KCND2: variants seen among roughly 807,000 people sequenced by gnomAD.
KCND2 encodes A-type voltage-gated potassium channel KCND2.
KCND2 carries 16 observed loss-of-function variants against 54.4 expected under a neutral mutation model. The observed-to-expected ratio is 0.29, with a 90% CI of 0.20 to 0.45. The LOEUF is 0.45. KCND2 is among the 20% of genes least tolerant of loss of function. The pLI is 1.00. For synonymous variants in KCND2, 317 were observed against 310.7 expected, an observed-to-expected ratio of 1.02 and a Z score of -0.21; for missense variants, 486 against 824.2, an observed-to-expected ratio of 0.59 and a Z score of 5.02.
At chr7:120,642,980 G>A (rs1424224609) in intron 1 of KCND2, among the ~76,000 whole-genome samples, 1 of 152,112 alleles carries the variant, frequency 6.6e-6, no homozygotes, top group African/African-American at 2.4e-5. Context: ...CCATTGTATG[G>A]CATACTCCAG....
chr7:120,339,582 G>A (rs984050750), intron 1 of KCND2, among the ~76,000 whole-genome samples: 5 of 151,666 alleles, frequency 3.3e-5, no homozygotes, highest in Non-Finnish European at 7.4e-5. Flanking sequence ...GTTTGAGCAA[G>A]CTTATGCTTC....
chr7:120,562,034 G>A (rs1391992730), intron 1 of KCND2, among the ~76,000 whole-genome samples: 1 of 152,206 alleles, frequency 6.6e-6, no homozygotes, highest in African/African-American at 2.4e-5. Flanking sequence ...AAGATGGTCA[G>A]TTTCTTTATT....
chr7:120,450,902 G>A (rs1202314531), intron 1 of KCND2, among the ~76,000 whole-genome samples: 2 of 152,272 alleles, frequency 1.3e-5, no homozygotes, highest in African/African-American at 4.8e-5. Flanking sequence ...ACTTATTGAT[G>A]ATATTAAGGA....
chr7:120,295,300 C>T (rs981485570), intron 1 of KCND2, among the ~76,000 whole-genome samples: 2 of 145,206 alleles, frequency 1.4e-5, no homozygotes, highest in Non-Finnish European at 3.0e-5. Context: ...AATGATACAA[C>T]GATTAATGAG....
chr7:120,296,403 T>C (rs1409315299), intron 1 of KCND2, among the ~76,000 whole-genome samples: 1 of 152,092 alleles, frequency 6.6e-6, no homozygotes, highest in Non-Finnish European at 1.5e-5. Flanking sequence ...GAAATACCTA[T>C]TTCAATTTAA....
intron 1 of KCND2, among the ~76,000 whole-genome samples, chr7:120,282,599 GA>G (rs1380240601): frequency 6.6e-6 from 1 of 152,038 alleles, no homozygotes; most frequent in Admixed American, 6.6e-5. Context: ...TTAATAATGG[GA>G]AAAAATAACA....
intron 1 of KCND2, among the ~76,000 whole-genome samples, chr7:120,309,383 C>G (rs1330505474): frequency 1.4e-5 from 2 of 147,770 alleles, no homozygotes; most frequent in East Asian, 4.0e-4. Flanking sequence ...GGATGTATCT[C>G]TAGAATAAAA....
At chr7:120,434,672 C>G (rs889196184) in intron 1 of KCND2, among the ~76,000 whole-genome samples, 2 of 152,218 alleles carry the variant, frequency 1.3e-5, no homozygotes, top group Non-Finnish European at 2.9e-5. Flanking sequence ...AACTTCTATT[C>G]TGGTTGGAGT....
chr7:120,597,446 A>G (rs184305063), intron 1 of KCND2, among the ~76,000 whole-genome samples: 2 of 152,292 alleles, frequency 1.3e-5, no homozygotes, highest in East Asian at 3.9e-4. Context: ...CTAATCAGTT[A>G]AGACTCAGGA....
At chr7:120,372,202 A>C (rs1326250978) in intron 1 of KCND2, among the ~76,000 whole-genome samples, 4 of 151,920 alleles carry the variant, frequency 2.6e-5, no homozygotes, top group Non-Finnish European at 4.4e-5. Context: ...TACTCTTATA[A>C]GTGTAATTTA....
chr7:120,708,337 G>A (rs1187964298), intron 1 of KCND2, among the ~76,000 whole-genome samples: 2 of 152,100 alleles, frequency 1.3e-5, no homozygotes, highest in African/African-American at 2.4e-5. Flanking sequence ...CATGAGAAGA[G>A]CTGAACGAGT....
intron 1 of KCND2, among the ~76,000 whole-genome samples, chr7:120,531,470 T>C (rs1438700726): frequency 2.0e-5 from 3 of 152,108 alleles, no homozygotes; most frequent in Admixed American, 1.3e-4. Context: ...TCTCCTGTTC[T>C]TATCAGCATA....
intron 1 of KCND2, among the ~76,000 whole-genome samples, chr7:120,653,333 A>C (rs1391886882): frequency 1.3e-5 from 2 of 151,808 alleles, no homozygotes; most frequent in Non-Finnish European, 2.9e-5. Context: ...GATGCAGGCC[A>C]CCACATCGGG....
intron 1 of KCND2, among the ~76,000 whole-genome samples, chr7:120,310,848 A>G (rs1021602674): frequency 1.3e-5 from 2 of 151,726 alleles, no homozygotes; most frequent in African/African-American, 4.8e-5. Context: ...AGGCACAGGA[A>G]TCACTTGTAC....
intron 1 of KCND2, among the ~76,000 whole-genome samples, chr7:120,413,495 A>C (rs530826772): frequency 6.6e-6 from 1 of 152,030 alleles, no homozygotes; most frequent in Non-Finnish European, 1.5e-5. Flanking sequence ...TGTTCAAAAT[A>C]TATGTACATA....
chr7:120,722,183 G>A (rs1792675291), intron 1 of KCND2, among the ~76,000 whole-genome samples: 1 of 152,118 alleles, frequency 6.6e-6, no homozygotes, highest in South Asian at 2.1e-4. Flanking sequence ...CTGTATGAGT[G>A]GTAAGAAATG....
At chr7:120,729,462 G>A (rs866283265) in intron 1 of KCND2, among the ~76,000 whole-genome samples, 45 of 152,200 alleles carry the variant, frequency 3.0e-4, no homozygotes, top group African/African-American at 9.2e-4. Flanking sequence ...GGTGTTCCAT[G>A]GGAACCAGCC....
intron 1 of KCND2, among the ~76,000 whole-genome samples, chr7:120,646,063 TA>T (rs1793438558): frequency 6.6e-6 from 1 of 152,206 alleles, no homozygotes; most frequent in South Asian, 2.1e-4. Flanking sequence ...TTCAGAAAGA[TA>T]AAAATGTGGC....
At chr7:120,296,734 A>T (rs1420065063) in intron 1 of KCND2, among the ~76,000 whole-genome samples, 1 of 152,088 alleles carries the variant, frequency 6.6e-6, no homozygotes, top group African/African-American at 2.4e-5. Context: ...GAAATTAAGC[A>T]TCAGGCATTT....
Sources: allele counts gnomAD v4.1 joint callset (sites outside exome capture counted in the v4.1 genomes callset), GRCh38; gene constraint gnomAD v4.1.1; transcripts MANE v1.5; gene names NCBI Gene and HGNC (gene_info 2026-07-23, HGNC 2026-07-21).